The following PDE3A variants were observed in gnomAD, a reference collection of about 807,000 sequenced individuals.
PDE3A encodes phosphodiesterase 3A.
PDE3A carries 43 observed loss-of-function variants against 98.3 expected under a neutral mutation model. The ratio of observed to expected loss-of-function variants is 0.44; its 90% CI spans 0.34 to 0.56. The LOEUF is 0.56. PDE3A is among the 20% of genes least tolerant of loss of function. The probability of loss-of-function intolerance (pLI) is 0.01; values close to 1 mark genes in which losing one functional copy is unlikely to be tolerated. For missense variants in PDE3A, 1,427 were observed against 1,440.7 expected, an observed-to-expected ratio of 0.99 and a Z score of 0.15; for synonymous variants, 663 against 567.9, an observed-to-expected ratio of 1.17 and a Z score of -2.38.
intron 1 of PDE3A, among the ~76,000 whole-genome samples, chr12:20,454,074 A>G (rs191118074): frequency 6.6e-6 from 1 of 151,042 alleles, no homozygotes; most frequent in Non-Finnish European, 1.5e-5. Context: ...AACACATGGA[A>G]GGGAAGCTCA....
intron 1 of PDE3A, among the ~76,000 whole-genome samples, chr12:20,436,578 A>G (rs1454044763): frequency 6.6e-6 from 1 of 152,216 alleles, no homozygotes; most frequent in African/African-American, 2.4e-5. Flanking sequence ...GGAGTTTATC[A>G]GGAGACATGA....
intron 15 of PDE3A, among the ~76,000 whole-genome samples, chr12:20,659,751 CT>C (rs1463771851): frequency 2.0e-5 from 3 of 152,164 alleles, no homozygotes; most frequent in African/African-American, 7.2e-5. Context: ...GAACTATTAA[CT>C]CTTTAATGCA....
intron 2 of PDE3A, among the ~76,000 whole-genome samples, chr12:20,591,252 A>AG (rs1943332592): frequency 6.6e-6 from 1 of 152,184 alleles, no homozygotes; most frequent in Non-Finnish European, 1.5e-5. Context: ...AATATACTAT[A>AG]TTTCATATGT....
intron 15 of PDE3A, among the ~76,000 whole-genome samples, chr12:20,667,221 A>G (rs1945337035): frequency 1.3e-5 from 2 of 151,998 alleles, no homozygotes; most frequent in African/African-American, 4.8e-5. Flanking sequence ...CTTCCATTCT[A>G]TAGATTTTCT....
At chr12:20,424,263 A>G (rs976048147) in intron 1 of PDE3A, among the ~76,000 whole-genome samples, 1 of 152,208 alleles carries the variant, frequency 6.6e-6, no homozygotes, top group Admixed American at 6.5e-5. Flanking sequence ...AGGAAAAAGT[A>G]GTGATTAATG....
At chr12:20,617,701 G>GTA (rs1484134603) in intron 4 of PDE3A, among the ~76,000 whole-genome samples, 4 of 152,200 alleles carry the variant, frequency 2.6e-5, no homozygotes, top group African/African-American at 9.6e-5. Context: ...TCCTGTCATA[G>GTA]TATAGGTAAT....
At chr12:20,672,862 A>G (rs1202021178) in intron 15 of PDE3A, among the ~76,000 whole-genome samples, 2 of 138,456 alleles carry the variant, frequency 1.4e-5, no homozygotes, top group African/African-American at 2.7e-5. Context: ...ATCTAATTAA[A>G]CTAAAGAGCT....
chr12:20,438,676 G>A (rs1944817772), intron 1 of PDE3A, among the ~76,000 whole-genome samples: 1 of 152,088 alleles, frequency 6.6e-6, no homozygotes. Context: ...AGAGTCCAGA[G>A]ATGTGCCTTG....
chr12:20,421,941 A>G (rs1313764309), intron 1 of PDE3A, among the ~76,000 whole-genome samples: 1 of 152,206 alleles, frequency 6.6e-6, no homozygotes, highest in Non-Finnish European at 1.5e-5. Flanking sequence ...TTCCCAGGTA[A>G]ATTGTGAAGT....
Position 20,684,975 on chromosome 12 carries a change from T to C in PDE3A, c.*4704T>C, listed in dbSNP as rs1213690239. On this transcript the variant is annotated 3_prime_UTR_variant, in exon 16 of 16. Coordinates refer to ENST00000359062, the MANE Select transcript of PDE3A (RefSeq NM_000921.5). ...GTTATGCACCATGGATGTTAGGCAA[T>C]GTGTGCTATTGCCAACACATGGTAT... is the stretch of plus-strand genomic sequence containing the variant. Among the ~76,000 whole-genome samples, 3 of 152,248 alleles carry C rather than the reference T, an allele frequency of 2.0e-5. No individual in the cohort carries two copies. Among genetic ancestry groups the C allele is most frequent in the Non-Finnish European group, 4.4e-5 (3 of 68,046 alleles).
At chr12:20,604,345 T>G (rs905974730) in intron 2 of PDE3A, among the ~76,000 whole-genome samples, 1 of 152,182 alleles carries the variant, frequency 6.6e-6, no homozygotes, top group Non-Finnish European at 1.5e-5. Flanking sequence ...CCCCATGTAT[T>G]ACCTCATATA....
intron 1 of PDE3A, among the ~76,000 whole-genome samples, chr12:20,459,689 G>T (rs2120920898): frequency 6.6e-6 from 1 of 152,156 alleles, no homozygotes; most frequent in African/African-American, 2.4e-5. Flanking sequence ...TACTTCAAAA[G>T]TTTTCAATTT....
At chr12:20,386,221 A>AAAT (rs1943797797) in intron 1 of PDE3A, among the ~76,000 whole-genome samples, 1 of 38,882 alleles carries the variant, frequency 2.6e-5, no homozygotes, top group Admixed American at 4.6e-4. Context: ...ATAAATATAT[A>AAAT]AAAAATAAAA....
chr12:20,663,893 G>T (rs958988268), intron 15 of PDE3A, among the ~76,000 whole-genome samples: 1 of 152,114 alleles, frequency 6.6e-6, no homozygotes, highest in Non-Finnish European at 1.5e-5. Context: ...AGAATAATAT[G>T]ATTTGGCTAT....
intron 1 of PDE3A, among the ~76,000 whole-genome samples, chr12:20,420,178 A>G (rs76931748): frequency 0.027 from 4,182 of 152,302 alleles, 88 homozygotes; most frequent in Admixed American, 0.057. Context: ...TATTCTACCT[A>G]TTTCCAAAGG....
chr12:20,637,129 T>C lies in PDE3A; in HGVS notation c.2031T>C (p.Leu677=). 6.2e-7 allele frequency: 1 copy of C among 1,609,776 alleles called. No homozygotes were observed. Among genetic ancestry groups the C allele is most frequent in the African/African-American group, 1.3e-5 (1 of 74,832 alleles). ...AACCAATTCTTGCTCCCGAACCTCT[T>C]GTCATGGATAACCTGGACTCAATTA... The part of the protein sequence containing the change: ...LDKPILAPEP[L]VMDNLDSIME... Residue 677 remains leucine, a synonymous_variant, in exon 9 of 16, where the codon CTT becomes CTC. Transcript: ENST00000359062.
chr12:20,601,886 T>G (rs1027346671), intron 2 of PDE3A, among the ~76,000 whole-genome samples: 5 of 152,212 alleles, frequency 3.3e-5, no homozygotes, highest in Non-Finnish European at 7.3e-5. Flanking sequence ...CATCTGTTGT[T>G]CACTGAAGTT....
At chr12:20,382,659 A>G (rs1943682757) in intron 1 of PDE3A, among the ~76,000 whole-genome samples, 1 of 151,988 alleles carries the variant, frequency 6.6e-6, no homozygotes, top group Non-Finnish European at 1.5e-5. Context: ...CAAAGCTTGT[A>G]ATATATACCA....
At chr12:20,551,425 C>T (rs1942193808) in intron 1 of PDE3A, among the ~76,000 whole-genome samples, 1 of 151,990 alleles carries the variant, frequency 6.6e-6, no homozygotes, top group Non-Finnish European at 1.5e-5. Context: ...AAAAGATTTA[C>T]GGACAGGATT....
Sources: gnomAD v4.1 joint callset for allele counts (sites outside exome capture counted in the v4.1 genomes callset) on GRCh38, gnomAD v4.1.1 for gene constraint, MANE v1.5 for transcripts, NCBI Gene and HGNC (gene_info 2026-07-23, HGNC 2026-07-21) for gene names.